The following TTC39C variants were observed in gnomAD, a reference collection of about 807,000 sequenced individuals.
The protein encoded by TTC39C is tetratricopeptide repeat protein 39C.
In TTC39C, 33 loss-of-function variants were observed where a neutral mutation model predicts 76.3. The observed-to-expected ratio is 0.43, with a 90% CI of 0.33 to 0.58. The LOEUF (loss-of-function observed/expected upper bound fraction) is 0.58. Among genes scored for constraint, TTC39C ranks in the 20% least tolerant of loss-of-function variants. The pLI, the probability that TTC39C is intolerant of heterozygous loss-of-function variation, is 0.04. For synonymous variants in TTC39C, 254 were observed against 260.6 expected, an observed-to-expected ratio of 0.97 and a Z score of 0.24; for missense variants, 595 against 701.4, an observed-to-expected ratio of 0.85 and a Z score of 1.71.
intron 1 of TTC39C, among the ~76,000 whole-genome samples, chr18:24,051,784 A>G (rs1463888676): frequency 6.6e-6 from 1 of 152,230 alleles, no homozygotes; most frequent in Non-Finnish European, 1.5e-5. Flanking sequence ...CAGGTGATGA[A>G]GGTCTTCTAT....
intron 1 of TTC39C, among the ~76,000 whole-genome samples, chr18:24,002,010 G>A (rs1468088260): frequency 6.6e-6 from 1 of 152,090 alleles, no homozygotes; most frequent in Non-Finnish European, 1.5e-5. Flanking sequence ...TGTATTTTTA[G>A]TAGAGACGGG....
chr18:24,102,065 G>C (rs28541271), intron 6 of TTC39C, among the ~76,000 whole-genome samples: 6,226 of 152,272 alleles, frequency 0.041, 414 homozygotes, highest in African/African-American at 0.14. Context: ...CTCCCACTAG[G>C]AGAAGACGTC....
chr18:24,011,985 G>C (rs1489035455), upstream of TTC39C, among the ~76,000 whole-genome samples: 2 of 152,114 alleles, frequency 1.3e-5, no homozygotes, highest in Non-Finnish European at 2.9e-5. Flanking sequence ...TCCTTTTGTA[G>C]GTAATTTGCA....
chr18:24,121,381 C>T (rs35374824), intron 8 of TTC39C, among the ~76,000 whole-genome samples: 21,371 of 151,864 alleles, frequency 0.14, 1,673 homozygotes, highest in East Asian at 0.17. Context: ...GAGACCAGCC[C>T]GACCAACAAC....
At chr18:24,011,431 T>G (rs753498442), upstream of TTC39C, among the ~76,000 whole-genome samples, 1 of 152,180 alleles carries the variant, frequency 6.6e-6, no homozygotes, top group East Asian at 1.9e-4. Flanking sequence ...CAAAAACCTT[T>G]TGGGACCAGG....
chr18:24,099,109 A>C (rs1261027669), intron 6 of TTC39C: 1 of 123,190 alleles, frequency 8.1e-6, no homozygotes, highest in African/African-American at 3.6e-5. Flanking sequence ...ATATATATAT[A>C]AAACGTGTGT....
At chr18:24,021,979 A>G (rs2083523002) in intron 1 of TTC39C, among the ~76,000 whole-genome samples, 1 of 152,168 alleles carries the variant, frequency 6.6e-6, no homozygotes, top group Admixed American at 6.5e-5. Context: ...TCTACCTCAA[A>G]CAGAGTCACT....
intron 4 of TTC39C, among the ~76,000 whole-genome samples, chr18:24,079,497 T>G (rs752802011): frequency 3.0e-4 from 45 of 152,196 alleles, no homozygotes; most frequent in Non-Finnish European, 5.3e-4. Context: ...GCTTTAAAGA[T>G]AAGAGATTTG....
intron 1 of TTC39C, among the ~76,000 whole-genome samples, chr18:23,997,673 A>AAAGAAAGAAAGAAG (rs1568398779): frequency 3.8e-5 from 1 of 26,614 alleles, no homozygotes; most frequent in Admixed American, 4.9e-4. Context: ...AAAGAAAGAA[A>AAAGAAAGAAAGAAG]GAAAGAAAGA....
At chr18:24,089,826 T>C (rs1015580251) in intron 6 of TTC39C, among the ~76,000 whole-genome samples, 1 of 152,154 alleles carries the variant, frequency 6.6e-6, no homozygotes, top group Non-Finnish European at 1.5e-5. Flanking sequence ...TAGTGCTGAA[T>C]TGCCTGTAAG....
At chr18:24,119,964 C>A (rs1325986845) in intron 8 of TTC39C, among the ~76,000 whole-genome samples, 1 of 41,802 alleles carries the variant, frequency 2.4e-5, no homozygotes, top group Non-Finnish European at 3.6e-5. Context: ...AACATTAATT[C>A]CCCCCCCCCA....
At position 24,091,771 on chromosome 18, in the gene TTC39C, T is replaced by A. The variant is rs375520455; in HGVS notation, c.984+8690T>A. On this transcript the variant is annotated intron_variant, in intron 6 of 13. Coordinates refer to ENST00000317571, the MANE Select transcript of TTC39C (RefSeq NM_001135993.2). The stretch of plus-strand genomic sequence containing the variant: ...TATGTAAAGAACTGTTACAACTCAA[T>A]AATAAAAAGACAAGCCAATTTAAAA... 2.4e-4 allele frequency among the ~76,000 whole-genome samples: 36 copies of A among 152,106 alleles called. No individual in the cohort carries two copies. The East Asian group carries it at 6.2e-3, about 26-fold the overall frequency.
At chr18:24,044,426 A>G (rs1224317178) in intron 1 of TTC39C, among the ~76,000 whole-genome samples, 1 of 152,150 alleles carries the variant, frequency 6.6e-6, no homozygotes, top group East Asian at 1.9e-4. Context: ...CACAGTGCAA[A>G]GAGGTGGCTG....
chr18:24,083,855 A>G (rs1450611487), intron 6 of TTC39C, among the ~76,000 whole-genome samples: 1 of 152,240 alleles, frequency 6.6e-6, no homozygotes, highest in Non-Finnish European at 1.5e-5. Context: ...GAAATAAGAT[A>G]GCTGTTATAG....
At chr18:24,109,558 C>T (rs927976235) in intron 6 of TTC39C, among the ~76,000 whole-genome samples, 9 of 151,986 alleles carry the variant, frequency 5.9e-5, no homozygotes, top group African/African-American at 1.2e-4. Context: ...TCAGTTGAAA[C>T]GCATGGCTTT....
At chr18:24,073,990 T>C (rs2084272873) in intron 4 of TTC39C, among the ~76,000 whole-genome samples, 1 of 152,226 alleles carries the variant, frequency 6.6e-6, no homozygotes, top group Non-Finnish European at 1.5e-5. Flanking sequence ...TCCCCACATA[T>C]GTTGAGCATT....
chr18:24,035,917 A>T (rs2083726330), intron 1 of TTC39C, among the ~76,000 whole-genome samples: 1 of 151,978 alleles, frequency 6.6e-6, no homozygotes, highest in South Asian at 2.1e-4. Context: ...TTCAACTCTA[A>T]TGCTTAGGTC....
chr18:24,044,611 A>G (rs1270731843), intron 1 of TTC39C, among the ~76,000 whole-genome samples: 1 of 152,192 alleles, frequency 6.6e-6, no homozygotes, highest in African/African-American at 2.4e-5. Flanking sequence ...GCAGGAACAC[A>G]GGAGAACAAA....
intron 6 of TTC39C, chr18:24,113,481 A>AG: frequency 1.5e-6 from 1 of 664,606 alleles, no homozygotes. Flanking sequence ...GGAGCATTGG[A>AG]GGGGGAGGAA....
Sources: allele counts gnomAD v4.1 joint callset (sites outside exome capture counted in the v4.1 genomes callset), GRCh38; gene constraint gnomAD v4.1.1; transcripts MANE v1.5; gene names NCBI Gene and HGNC (gene_info 2026-07-23, HGNC 2026-07-21).